Variants in RAB11FIP3 observed in about 807,000 individuals in gnomAD.
RAB11FIP3 encodes the protein RAB11 family interacting protein 3.
RAB11FIP3 carries 17 observed loss-of-function variants against 77.8 expected under a neutral mutation model. The observed-to-expected ratio is 0.22, with a 90% CI of 0.15 to 0.33. RAB11FIP3 has a LOEUF of 0.33. Among genes scored for constraint, RAB11FIP3 ranks in the 10% least tolerant of loss-of-function variants. The pLI, the probability that RAB11FIP3 is intolerant of heterozygous loss-of-function variation, is 1.00. For synonymous variants in RAB11FIP3, 437 were observed against 448.2 expected (o/e 0.98, Z 0.31); for missense variants, 1,005 against 1,011.2 (o/e 0.99, Z 0.08).
intron 1 of RAB11FIP3, among the ~76,000 whole-genome samples, chr16:432,280 G>A (rs2055050063): frequency 6.6e-6 from 1 of 151,990 alleles, no homozygotes; most frequent in Non-Finnish European, 1.5e-5. Flanking sequence ...CAGAGGTCGA[G>A]GCAGGAGAAT....
intron 8 of RAB11FIP3, among the ~76,000 whole-genome samples, chr16:509,753 C>T (rs1039157940): frequency 6.6e-6 from 1 of 152,302 alleles, no homozygotes; most frequent in East Asian, 1.9e-4. Flanking sequence ...AGAGTGGGCC[C>T]CCCCCCCACT....
chr16:522,245 AATATATATATATATATAT>A lies in RAB11FIP3; in HGVS notation c.*1417_*1434del, dbSNP rs57161308. On this transcript the variant is annotated 3_prime_UTR_variant, in exon 14 of 14. Coordinates refer to ENST00000262305, the MANE Select transcript of RAB11FIP3 (RefSeq NM_014700.4). Reference sequence around the variant, plus strand: ...AAGAGAAAACTGTGTATACACATGAAATATATATATATATATATATATATATATGTATAATATATAAAG... The same window carrying A: ...AAGAGAAAACTGTGTATACACATGAAATATATATATGTATAATATATAAAG... 2.2e-5 allele frequency: 3 copies of A among 134,688 alleles called. No individual in the cohort carries two copies. Among genetic ancestry groups the A allele is most frequent in the African/African-American group, 8.2e-5 (3 of 36,452 alleles). 8.3% of individuals were successfully genotyped at this position (134,688 alleles called of 1,614,324 possible).
Position 461,182 on chromosome 16 carries a change from C to T in RAB11FIP3, c.715-222C>T, listed in dbSNP as rs1413025526. ...TAAGGAGCGCGCAACCTGGACCCCT[C>T]GCATGCGGAGCACACAGTAGGCTTT... On this transcript the variant is annotated intron_variant, in intron 1 of 13. Coordinates refer to ENST00000262305, the MANE Select transcript of RAB11FIP3 (RefSeq NM_014700.4). This position sits in a 1 kb window ranked among gnomAD's most constrained non-coding sequence, Gnocchi z 4.5. 3.9e-5 allele frequency among the ~76,000 whole-genome samples: 6 copies of T among 152,254 alleles called. No individual in the cohort carries two copies. The Middle Eastern group carries it at 0.01, about 259-fold the overall frequency.
intron 2 of RAB11FIP3, among the ~76,000 whole-genome samples, chr16:462,058 GCTC>G (rs1052756246): frequency 2.6e-5 from 4 of 152,342 alleles, no homozygotes; most frequent in African/African-American, 9.6e-5. Flanking sequence ...GCTCACACCT[GCTC>G]CTCTGTGAGC....
rs1430111432 is a variant in RAB11FIP3, at chr16:519,819, C to A, written c.1788C>A (p.Asn596Lys). ...TGCGGCTCAGTGAAGAGCAGGAGAA[C>A]AAGAGGAGAATGGGGGACAGGCTGA... ...LTLRLSEEQE[N>K]KRRMGDRLSH... Residue 596 changes from asparagine (N) to lysine (K), a missense_variant, in exon 11 of 14, where the codon AAC (asparagine) becomes AAA (lysine). Physicochemically the swap from Asn to Lys is moderately conservative, Grantham distance 94. Transcript: ENST00000262305. 6.2e-7 allele frequency: 1 copy of A among 1,606,826 alleles called. No individual in the cohort carries two copies. Among genetic ancestry groups the A allele is most frequent in the Non-Finnish European group, 8.5e-7 (1 of 1,176,936 alleles).
chr16:496,505 G>A (rs963943341), intron 5 of RAB11FIP3, among the ~76,000 whole-genome samples: 6 of 152,246 alleles, frequency 3.9e-5, no homozygotes, highest in African/African-American at 1.2e-4. Flanking sequence ...TTTGGCTTCA[G>A]AAGCATTGGG....
intron 6 of RAB11FIP3, among the ~76,000 whole-genome samples, chr16:502,179 G>A (rs1035508018): frequency 2.0e-5 from 3 of 152,236 alleles, no homozygotes; most frequent in Admixed American, 6.5e-5. Context: ...CTGTACTCCC[G>A]GCAAGTTTGG....
At chr16:473,134 T>G (rs1207707548) in intron 3 of RAB11FIP3, among the ~76,000 whole-genome samples, 3 of 152,184 alleles carry the variant, frequency 2.0e-5, no homozygotes, top group Non-Finnish European at 1.5e-5. Context: ...ATGGCAGCCC[T>G]GGGCAGGGAA....
chr16:445,876 G>A (rs553432951), intron 1 of RAB11FIP3, among the ~76,000 whole-genome samples: 13 of 152,270 alleles, frequency 8.5e-5, no homozygotes, highest in South Asian at 8.3e-4. Context: ...GCAAAAGGAC[G>A]TTATGGCCTG....
chr16:460,180 A>G (rs998108534), intron 1 of RAB11FIP3, among the ~76,000 whole-genome samples: 11 of 152,160 alleles, frequency 7.2e-5, no homozygotes, highest in Middle Eastern at 3.2e-3. Context: ...ACCTGGCCTG[A>G]GTTGTCTTCT....
intron 8 of RAB11FIP3, among the ~76,000 whole-genome samples, chr16:508,926 C>CA (rs1260296359): frequency 6.8e-6 from 1 of 146,046 alleles, no homozygotes; most frequent in Non-Finnish European, 1.5e-5. Context: ...TTTTTTGAGA[C>CA]AGAGTCTCAC....
chr16:449,242 A>G (rs1417794713), intron 1 of RAB11FIP3, among the ~76,000 whole-genome samples: 1 of 152,152 alleles, frequency 6.6e-6, no homozygotes, highest in South Asian at 2.1e-4. Flanking sequence ...AGTCCTGTAT[A>G]TCTCCAGCTC....
chr16:486,793 G>A (rs2056163592), intron 4 of RAB11FIP3, among the ~76,000 whole-genome samples: 1 of 152,224 alleles, frequency 6.6e-6, no homozygotes, highest in East Asian at 1.9e-4. Context: ...CATTGCTTCT[G>A]AGGGAGTAGC....
intron 7 of RAB11FIP3, among the ~76,000 whole-genome samples, chr16:504,654 TC>T: frequency 1.4e-4 from 1 of 7,122 alleles, no homozygotes; most frequent in African/African-American, 1.1e-3. Context: ...CCCCCTCACC[TC>T]CTCCTGCACC....
chr16:436,197 C>G (rs1164054884), intron 1 of RAB11FIP3, among the ~76,000 whole-genome samples: 2 of 152,118 alleles, frequency 1.3e-5, no homozygotes, highest in African/African-American at 2.4e-5. Flanking sequence ...GTAATTCCAG[C>G]TACTCGGGGG....
intron 9 of RAB11FIP3, among the ~76,000 whole-genome samples, chr16:516,189 C>T (rs118154024): frequency 2.0e-4 from 31 of 152,344 alleles, no homozygotes; most frequent in Non-Finnish European, 3.8e-4. Flanking sequence ...AAGCCCTTCC[C>T]GCCCAGCCCT....
intron 8 of RAB11FIP3, 120 bp from the exon 9 acceptor site, chr16:510,540 G>A (rs2032093015): frequency 1.6e-5 from 19 of 1,182,464 alleles, no homozygotes; most frequent in Admixed American, 2.8e-5. Context: ...TGCCCTTCTC[G>A]GTGCCCTACT....
chr16:456,354 C>T (rs1356058800), intron 1 of RAB11FIP3, among the ~76,000 whole-genome samples: 1 of 151,572 alleles, frequency 6.6e-6, no homozygotes, highest in African/African-American at 2.4e-5. Flanking sequence ...GTGGGAGAAT[C>T]GCTTGAACCT....
chr16:479,623 A>G (rs1596252444), intron 3 of RAB11FIP3, among the ~76,000 whole-genome samples: 1 of 152,288 alleles, frequency 6.6e-6, no homozygotes, highest in African/African-American at 2.4e-5. Flanking sequence ...TTTTATTAAA[A>G]TAAAAAAGAA....
Sources: gnomAD v4.1 joint callset for allele counts (sites outside exome capture counted in the v4.1 genomes callset) on GRCh38, gnomAD v4.1.1 for gene constraint, Gnocchi (gnomAD v3.1) non-coding constraint, MANE v1.5 for transcripts, NCBI Gene and HGNC (gene_info 2026-07-23, HGNC 2026-07-21) for gene names.